The following NKAIN2 variants were observed in gnomAD, a reference collection of about 807,000 sequenced individuals.
The protein encoded by NKAIN2 is sodium/potassium transporting ATPase interacting 2.
NKAIN2 carries 14 observed loss-of-function variants against 32.6 expected under a neutral mutation model. That is an observed-to-expected ratio of 0.43 (90% CI 0.28 to 0.67). The LOEUF (loss-of-function observed/expected upper bound fraction) is 0.67. NKAIN2 is among the 30% of genes least tolerant of loss of function. NKAIN2 has a pLI of 0.17. For synonymous variants in NKAIN2, 80 were observed against 87.2 expected (o/e 0.92, Z 0.46); for missense variants, 198 against 258.3 (o/e 0.77, Z 1.60).
chr6:124,164,672 C>A (rs1788447950), intron 1 of NKAIN2, among the ~76,000 whole-genome samples: 1 of 151,868 alleles, frequency 6.6e-6, no homozygotes. Context: ...TTTCAAATTG[C>A]TACTCGGGTA....
chr6:123,965,054 T>C (rs1379908697), intron 1 of NKAIN2, among the ~76,000 whole-genome samples: 1 of 152,156 alleles, frequency 6.6e-6, no homozygotes, highest in Non-Finnish European at 1.5e-5. Flanking sequence ...AGAATGTCTG[T>C]GTCTTTAGCT....
chr6:124,608,178 C>G (rs1782564829), intron 3 of NKAIN2, among the ~76,000 whole-genome samples: 1 of 152,064 alleles, frequency 6.6e-6, no homozygotes, highest in Non-Finnish European at 1.5e-5. Context: ...CCAAATGAAC[C>G]AAACTTTTTG....
At chr6:124,260,263 TG>T (rs1389586828) in intron 1 of NKAIN2, among the ~76,000 whole-genome samples, 8 of 152,064 alleles carry the variant, frequency 5.3e-5, no homozygotes, top group Admixed American at 5.2e-4. Flanking sequence ...TACATCCTAG[TG>T]GGGAAGATGA....
chr6:124,563,281 T>G (rs1237554382), intron 3 of NKAIN2, among the ~76,000 whole-genome samples: 1 of 152,198 alleles, frequency 6.6e-6, no homozygotes, highest in Non-Finnish European at 1.5e-5. Flanking sequence ...TCCAAAAAGA[T>G]CTGAATACCT....
intron 2 of NKAIN2, among the ~76,000 whole-genome samples, chr6:124,336,210 G>A (rs536505225): frequency 6.6e-6 from 1 of 152,300 alleles, no homozygotes; most frequent in African/African-American, 2.4e-5. Flanking sequence ...CAGGAGTTTA[G>A]AGGAACAGCA....
intron 4 of NKAIN2, among the ~76,000 whole-genome samples, chr6:124,665,792 A>T (rs1190578050): frequency 1.3e-5 from 2 of 152,178 alleles, no homozygotes; most frequent in African/African-American, 4.8e-5. Context: ...TTAGGCCCTG[A>T]GAGTCATTTC....
chr6:124,599,758 C>A (rs181204090), intron 3 of NKAIN2, among the ~76,000 whole-genome samples: 112 of 152,212 alleles, frequency 7.4e-4, no homozygotes, highest in African/African-American at 2.6e-3. Context: ...CCAAAGGAAG[C>A]CCAGCTGTGA....
At chr6:124,134,714 C>T (rs756625707) in intron 1 of NKAIN2, among the ~76,000 whole-genome samples, 3 of 151,992 alleles carry the variant, frequency 2.0e-5, no homozygotes, top group Non-Finnish European at 1.5e-5. Context: ...GTTTGGTAAA[C>T]TTATTTGAGG....
chr6:123,893,460 C>A (rs1390017742), intron 1 of NKAIN2, among the ~76,000 whole-genome samples: 1 of 152,154 alleles, frequency 6.6e-6, no homozygotes, highest in East Asian at 1.9e-4. Context: ...TTCATCCTTG[C>A]CCTCCTATAA....
intron 2 of NKAIN2, among the ~76,000 whole-genome samples, chr6:124,315,189 T>A (rs1052719102): frequency 1.6e-4 from 24 of 152,062 alleles, no homozygotes; most frequent in African/African-American, 5.8e-4. Flanking sequence ...ATTTGTAAGA[T>A]CTTTGGTGCA....
At chr6:123,938,605 AT>A (rs368635013) in intron 1 of NKAIN2, among the ~76,000 whole-genome samples, 1 of 138,088 alleles carries the variant, frequency 7.2e-6, no homozygotes, top group South Asian at 2.2e-4. Flanking sequence ...TATTATATAT[AT>A]TTTTATATAT....
intron 2 of NKAIN2, among the ~76,000 whole-genome samples, chr6:124,334,348 G>T (rs577852857): frequency 6.6e-6 from 1 of 152,150 alleles, no homozygotes; most frequent in African/African-American, 2.4e-5. Flanking sequence ...CGATTTATCC[G>T]GACAGGAGAA....
chr6:124,319,114 C>T (rs1481061586), intron 2 of NKAIN2, among the ~76,000 whole-genome samples: 2 of 151,958 alleles, frequency 1.3e-5, no homozygotes, highest in Admixed American at 6.6e-5. Context: ...TCTCTCCTAC[C>T]AGTCCCTAGA....
intron 5 of NKAIN2, chr6:124,804,379 G>T (rs751871901): frequency 3.0e-6 from 1 of 331,414 alleles, no homozygotes; most frequent in East Asian, 1.7e-4. Flanking sequence ...AGAACCAAAA[G>T]CTTAAAGTGA....
At chr6:124,639,480 A>C (rs1222059972) in intron 3 of NKAIN2, among the ~76,000 whole-genome samples, 1 of 152,082 alleles carries the variant, frequency 6.6e-6, no homozygotes, top group Non-Finnish European at 1.5e-5. Context: ...CTAAACATAC[A>C]AAAATTAGCC....
In NKAIN2 at chr6:124,825,376, T is replaced by C. The variant is rs377174298; in HGVS notation, c.*2147T>C. On this transcript the variant is annotated 3_prime_UTR_variant, in exon 7 of 7. Coordinates refer to ENST00000368417, the MANE Select transcript of NKAIN2 (RefSeq NM_001040214.3). Reference sequence around the variant, plus strand: ...AAAAGTAATCAGTGGACAGGTCATTTATGGGATCAGTAAGCACAGTAGTGT... The same window carrying C: ...AAAAGTAATCAGTGGACAGGTCATTCATGGGATCAGTAAGCACAGTAGTGT... 6 of 152,618 alleles carry C rather than the reference T, an allele frequency of 3.9e-5. No individual in the cohort carries two copies. The East Asian group carries it at 9.6e-4, about 24-fold the overall frequency. The allele number at this position is 152,618 out of a possible 1,614,324, so 9.5% of individuals were successfully genotyped here. A position where few individuals can be genotyped will look rare whatever the true frequency, so the allele number is the denominator to read the frequency against.
chr6:124,567,502 A>T (rs1459575111), intron 3 of NKAIN2, among the ~76,000 whole-genome samples: 1 of 152,202 alleles, frequency 6.6e-6, no homozygotes, highest in Non-Finnish European at 1.5e-5. Flanking sequence ...GAGCTCCGTG[A>T]GGGTAGGGAC....
intron 3 of NKAIN2, among the ~76,000 whole-genome samples, chr6:124,635,805 G>C (rs1368896727): frequency 6.6e-6 from 1 of 151,926 alleles, no homozygotes; most frequent in Non-Finnish European, 1.5e-5. Flanking sequence ...AATATTATTA[G>C]TGCCAAAGAG....
intron 1 of NKAIN2, among the ~76,000 whole-genome samples, chr6:123,959,130 A>G (rs1284154793): frequency 6.6e-6 from 1 of 152,200 alleles, no homozygotes; most frequent in African/African-American, 2.4e-5. Flanking sequence ...CTGTGGGTCT[A>G]GAAAATGAGT....
Sources: gnomAD v4.1 joint callset for allele counts (sites outside exome capture counted in the v4.1 genomes callset) on GRCh38, gnomAD v4.1.1 for gene constraint, MANE v1.5 for transcripts, NCBI Gene and HGNC (gene_info 2026-07-23, HGNC 2026-07-21) for gene names.